Variants in NRXN1 observed in about 807,000 individuals in gnomAD.
NRXN1 encodes neurexin 1, also known as neurexin-1.
Under a neutral mutation model 150.9 loss-of-function variants are expected in NRXN1, and 39 were observed. The observed-to-expected ratio is 0.26, with a 90% CI of 0.20 to 0.34. NRXN1 has a LOEUF of 0.34. NRXN1 is among the 10% of genes least tolerant of loss of function. NRXN1 has a pLI of 1.00. For missense variants in NRXN1, 1,815 were observed against 1,949.9 expected, an observed-to-expected ratio of 0.93 and a Z score of 1.30; for synonymous variants, 924 against 757.0, an observed-to-expected ratio of 1.22 and a Z score of -3.62.
chr2:50,556,435 A>T (rs117064285), intron 8 of NRXN1, among the ~76,000 whole-genome samples: 3,283 of 152,160 alleles, frequency 0.022, 53 homozygotes, highest in East Asian at 0.069. Context: ...TATCATCATA[A>T]CAATTGATGA....
intron 5 of NRXN1, among the ~76,000 whole-genome samples, chr2:50,877,779 T>C (rs1488887909): frequency 6.6e-6 from 1 of 151,914 alleles, no homozygotes; most frequent in Non-Finnish European, 1.5e-5. Flanking sequence ...GTGTAACTTG[T>C]TGCAGGGTTA....
intron 5 of NRXN1, among the ~76,000 whole-genome samples, chr2:50,844,486 G>A (rs1673345865): frequency 6.6e-6 from 1 of 152,142 alleles, no homozygotes; most frequent in Admixed American, 6.5e-5. Context: ...ATGGACCATT[G>A]AAATTATATT....
chr2:50,557,326 T>C (rs1255348948), intron 8 of NRXN1, among the ~76,000 whole-genome samples: 2 of 152,192 alleles, frequency 1.3e-5, no homozygotes, highest in Non-Finnish European at 2.9e-5. Context: ...ATTACTTAAC[T>C]ATGGTAGTAT....
At chr2:50,302,296 T>C (rs1364235728) in intron 17 of NRXN1, among the ~76,000 whole-genome samples, 1 of 152,216 alleles carries the variant, frequency 6.6e-6, no homozygotes, top group African/African-American at 2.4e-5. Context: ...ATAGCCACTT[T>C]GCTTTAGATA....
chr2:50,632,983 T>C (rs1033692288), intron 5 of NRXN1: 3 of 152,114 alleles, frequency 2.0e-5, no homozygotes, highest in Admixed American at 2.0e-4. Flanking sequence ...AAATTCTCTG[T>C]GGGTTTGTAA....
chr2:50,167,613 T>C (rs1306403185), intron 18 of NRXN1, among the ~76,000 whole-genome samples: 1 of 152,054 alleles, frequency 6.6e-6, no homozygotes, highest in Non-Finnish European at 1.5e-5. Context: ...AAAGAACAAG[T>C]ATTATCAAAG....
chr2:50,538,551 C>T lies in NRXN1; in HGVS notation c.1845G>A (p.Leu615=), dbSNP rs367664516. The T allele has an allele frequency of 1.1e-5, 17 of 1,580,644 alleles. No individual in the cohort carries two copies. Among genetic ancestry groups the T allele is most frequent in the East Asian group, 2.2e-5 (1 of 44,590 alleles). Residue 615 remains leucine, a synonymous_variant, in exon 10 of 23, where the codon CTG becomes CTA. Transcript: ENST00000401669. The part of the protein sequence containing the change: ...EILDLDDELY[L]GGLPENKAGL... ...CAGCTTTATTTTCTGGCAGCCCCCC[C>T]AGGTACAACTCATCATCCAGGTCCA...
At chr2:50,985,723 G>A (rs750603664) in intron 2 of NRXN1, among the ~76,000 whole-genome samples, 1 of 151,506 alleles carries the variant, frequency 6.6e-6, no homozygotes, top group South Asian at 2.1e-4. Context: ...GATATGGGAG[G>A]CTGTGCTAAG....
intron 5 of NRXN1, among the ~76,000 whole-genome samples, chr2:50,709,905 T>C (rs1002791488): frequency 6.6e-6 from 1 of 152,186 alleles, no homozygotes; most frequent in African/African-American, 2.4e-5. Flanking sequence ...ATGAAGGTCC[T>C]TTATTGGCCC....
chr2:51,020,440 T>C (rs1352980847), intron 2 of NRXN1, among the ~76,000 whole-genome samples: 1 of 152,024 alleles, frequency 6.6e-6, no homozygotes, highest in Non-Finnish European at 1.5e-5. Context: ...ATCTGATGCA[T>C]ACTTCTGGGC....
intron 18 of NRXN1, among the ~76,000 whole-genome samples, chr2:50,132,272 C>T (rs1279790050): frequency 2.7e-5 from 4 of 148,820 alleles, no homozygotes; most frequent in Admixed American, 6.7e-5. Context: ...CTGTGTCATA[C>T]GTTTCTTTAT....
chr2:50,080,307 A>G (rs963210523), intron 19 of NRXN1, among the ~76,000 whole-genome samples: 2 of 152,144 alleles, frequency 1.3e-5, no homozygotes, highest in Admixed American at 6.5e-5. Flanking sequence ...CTAATCTCTT[A>G]TCATGTCTAA....
intron 17 of NRXN1, among the ~76,000 whole-genome samples, chr2:50,343,274 G>C (rs2077685395): frequency 6.6e-6 from 1 of 152,170 alleles, no homozygotes; most frequent in Non-Finnish European, 1.5e-5. Flanking sequence ...AAAGCCGGGA[G>C]CTGAGATGGG....
At position 50,067,109 on chromosome 2, in the gene NRXN1, G is replaced by A. The variant is rs76775674; in HGVS notation, c.3719-12065C>T. Among the ~76,000 whole-genome samples, 219 of 152,278 alleles carry A rather than the reference G, an allele frequency of 1.4e-3. 3 individuals carry two copies. The highest frequency in any genetic ancestry group is 2.9e-3 in the Admixed American group (44 of 15,294). On this transcript the variant is annotated intron_variant, in intron 19 of 22. Coordinates refer to ENST00000401669, the MANE Select transcript of NRXN1 (RefSeq NM_001330078.2). ...GTGAAACAGCAGGCTTTTATATCCA[G>A]TTAAACAATATATTCATGTGAGACT...
intron 5 of NRXN1, among the ~76,000 whole-genome samples, chr2:50,710,322 G>A (rs929767396): frequency 3.3e-5 from 5 of 152,152 alleles, no homozygotes; most frequent in African/African-American, 1.2e-4. Context: ...CTCAGGTAAT[G>A]CATTAACTCC....
At chr2:49,927,092 G>T (rs1394430914) in intron 22 of NRXN1, among the ~76,000 whole-genome samples, 1 of 152,152 alleles carries the variant, frequency 6.6e-6, no homozygotes, top group African/African-American at 2.4e-5. Flanking sequence ...TTTGCCTCAT[G>T]GGTTAGCATA....
At chr2:50,041,574 G>A (rs1322838177) in intron 21 of NRXN1, among the ~76,000 whole-genome samples, 4 of 152,084 alleles carry the variant, frequency 2.6e-5, no homozygotes, top group African/African-American at 7.2e-5. Context: ...TCTTTGAAAT[G>A]GGCAAGCTAC....
At chr2:50,561,626 A>C (rs936889048) in intron 8 of NRXN1, among the ~76,000 whole-genome samples, 1 of 152,236 alleles carries the variant, frequency 6.6e-6, no homozygotes, top group Non-Finnish European at 1.5e-5. Context: ...GCTCTTAAGC[A>C]ATTACAAACG....
chr2:50,242,014 T>C (rs1040164895), intron 17 of NRXN1, among the ~76,000 whole-genome samples: 1 of 151,840 alleles, frequency 6.6e-6, no homozygotes, highest in Non-Finnish European at 1.5e-5. Context: ...CATAAGTATA[T>C]GAATAAAAGG....
Sources: gnomAD v4.1 joint callset for allele counts (sites outside exome capture counted in the v4.1 genomes callset) on GRCh38, gnomAD v4.1.1 for gene constraint, MANE v1.5 for transcripts, NCBI Gene and HGNC (gene_info 2026-07-23, HGNC 2026-07-21) for gene names.